The following RAD51B variants were observed in gnomAD, a reference collection of about 807,000 sequenced individuals.
The protein encoded by RAD51B is RAD51 paralog B.
In RAD51B, 38 loss-of-function variants were observed where a neutral mutation model predicts 42.2. The observed-to-expected ratio is 0.90, with a 90% CI of 0.70 to 1.18. The LOEUF is 1.18. RAD51B is among the 50% of genes most tolerant of loss of function. The pLI, the probability that RAD51B is intolerant of heterozygous loss-of-function variation, is 0.00. For missense variants in RAD51B, 373 were observed against 400.7 expected, an observed-to-expected ratio of 0.93 and a Z score of 0.59; for synonymous variants, 154 against 145.2, an observed-to-expected ratio of 1.06 and a Z score of -0.43.
intron 7 of RAD51B, among the ~76,000 whole-genome samples, chr14:67,950,257 C>T (rs1281475930): frequency 1.3e-5 from 2 of 152,210 alleles, no homozygotes; most frequent in South Asian, 2.1e-4. Context: ...GAAAATCTGT[C>T]GTTCAGGATA....
chr14:67,959,482 T>C (rs1283497236), intron 7 of RAD51B, among the ~76,000 whole-genome samples: 5 of 151,952 alleles, frequency 3.3e-5, no homozygotes, highest in African/African-American at 4.8e-5. Context: ...CTCCTGACCT[T>C]GTGATCCTCC....
chr14:68,449,105 A>G (rs2085493138), intron 9 of RAD51B, among the ~76,000 whole-genome samples: 1 of 152,202 alleles, frequency 6.6e-6, no homozygotes, highest in East Asian at 1.9e-4. Flanking sequence ...TATTCATGGT[A>G]TGGATATACA....
chr14:68,142,710 A>G (rs1378931313), intron 7 of RAD51B, among the ~76,000 whole-genome samples: 1 of 152,248 alleles, frequency 6.6e-6, no homozygotes, highest in Middle Eastern at 3.4e-3. Context: ...TAGGAATCTA[A>G]GTTTTATGAA....
chr14:68,449,222 A>C (rs1350593026), intron 9 of RAD51B, among the ~76,000 whole-genome samples: 2 of 152,234 alleles, frequency 1.3e-5, no homozygotes, highest in African/African-American at 4.8e-5. Context: ...TTTTTAAAAA[A>C]CAACAAAACT....
intron 7 of RAD51B, among the ~76,000 whole-genome samples, chr14:68,070,101 C>T (rs1389883877): frequency 6.6e-6 from 1 of 151,980 alleles, no homozygotes; most frequent in Non-Finnish European, 1.5e-5. Flanking sequence ...AGTGTCTGTT[C>T]ATGTACTTTG....
chr14:68,663,755 G>A (rs1186601751), intron 11 of RAD51B, among the ~76,000 whole-genome samples: 3 of 152,150 alleles, frequency 2.0e-5, no homozygotes, highest in Admixed American at 6.5e-5. Flanking sequence ...TTAAAGGCAC[G>A]GAATTTGTGG....
chr14:68,014,720 A>AAATG (rs985585704), intron 7 of RAD51B, among the ~76,000 whole-genome samples: 6 of 151,940 alleles, frequency 3.9e-5, no homozygotes, highest in Admixed American at 3.9e-4. Flanking sequence ...ATAAATAAAT[A>AAATG]AATGTAGGAA....
In RAD51B at chr14:68,358,929, G is replaced by A. The variant is rs369358461; in HGVS notation, c.854-52495G>A. Among the ~76,000 whole-genome samples the A allele has an allele frequency of 3.9e-5, 6 of 152,300 alleles. No individual in the cohort carries two copies. In the East Asian group the frequency reaches 1.2e-3, roughly 29 times the overall value. On this transcript the variant is annotated intron_variant, in intron 8 of 10. Coordinates refer to ENST00000471583, the MANE Select transcript of RAD51B (RefSeq NM_133510.4). ...AATTCACCATGCTTATTGGAGACAT[G>A]TAATCCTAGAGAAGGTGGGACTGGG... is the stretch of plus-strand genomic sequence containing the variant.
intron 10 of RAD51B, among the ~76,000 whole-genome samples, chr14:68,628,986 C>T (rs1402281281): frequency 2.6e-5 from 4 of 152,266 alleles, no homozygotes; most frequent in Admixed American, 2.0e-4. Flanking sequence ...CCAACCCGAA[C>T]GGGTTGGAAG....
At chr14:67,848,176 A>G (rs1314699962) in intron 4 of RAD51B, among the ~76,000 whole-genome samples, 1 of 151,766 alleles carries the variant, frequency 6.6e-6, no homozygotes, top group Non-Finnish European at 1.5e-5. Context: ...TGCCACCACA[A>G]CCCAACTAAT....
At chr14:68,379,199 T>G (rs896749838) in intron 8 of RAD51B, among the ~76,000 whole-genome samples, 2 of 152,218 alleles carry the variant, frequency 1.3e-5, no homozygotes, top group African/African-American at 4.8e-5. Context: ...GTCCGGTTCC[T>G]GGTACATAAA....
intron 7 of RAD51B, among the ~76,000 whole-genome samples, chr14:68,031,925 G>T (rs563705077): frequency 6.6e-6 from 1 of 152,024 alleles, no homozygotes; most frequent in African/African-American, 2.4e-5. Context: ...AAAACCCTAG[G>T]TTCCATCCAC....
chr14:68,481,652 T>C (rs1271088939), downstream of RAD51B, among the ~76,000 whole-genome samples: 2 of 152,190 alleles, frequency 1.3e-5, no homozygotes, highest in African/African-American at 4.8e-5. Flanking sequence ...TCTCTACAGA[T>C]GAGGAACTGA....
chr14:68,307,510 C>CTGTG (rs1424552604), intron 8 of RAD51B, among the ~76,000 whole-genome samples: 1 of 152,168 alleles, frequency 6.6e-6, no homozygotes, highest in East Asian at 1.9e-4. Context: ...TCTGACAAAG[C>CTGTG]TGTGCGGCCT....
At chr14:68,265,854 A>G (rs1024670627) in intron 7 of RAD51B, among the ~76,000 whole-genome samples, 3 of 152,246 alleles carry the variant, frequency 2.0e-5, no homozygotes, top group Admixed American at 1.3e-4. Context: ...GGAAGAAAAC[A>G]ATTCACTCTA....
chr14:68,222,366 G>A (rs1213845718), intron 7 of RAD51B, among the ~76,000 whole-genome samples: 1 of 152,124 alleles, frequency 6.6e-6, no homozygotes, highest in African/African-American at 2.4e-5. Context: ...ATGAAATAAC[G>A]GCATTCACAG....
chr14:68,157,003 C>T (rs1485012542), intron 7 of RAD51B, among the ~76,000 whole-genome samples: 2 of 152,044 alleles, frequency 1.3e-5, no homozygotes, highest in Admixed American at 1.3e-4. Flanking sequence ...TCGAGACCAG[C>T]CTGGGCAACA....
chr14:68,359,375 A>AT (rs1007779984), intron 8 of RAD51B, among the ~76,000 whole-genome samples: 3 of 151,472 alleles, frequency 2.0e-5, no homozygotes, highest in African/African-American at 4.9e-5. Context: ...CAAGTAGGGC[A>AT]TTTTTTTGGT....
At position 68,184,618 on chromosome 14, in the gene RAD51B, A is replaced by ACAAAAC. The variant is rs1566712699; in HGVS notation, c.757-107266_757-107265insCAAAAC. Among the ~76,000 whole-genome samples, 118 of 61,314 alleles carry ACAAAAC rather than the reference A, an allele frequency of 1.9e-3. 4 individuals are homozygous for ACAAAAC. The highest frequency in any genetic ancestry group is 5.4e-3 in the African/African-American group (117 of 21,696). The allele number at this position is 61,314 out of a possible 152,430, so 40.2% of individuals were successfully genotyped here. A position where few individuals can be genotyped will look rare whatever the true frequency, so the allele number is the denominator to read the frequency against. ...GAGCAAGGCCCTGTCTAAAAAAAAA[A>ACAAAAC]AAAAACCAAAAAAAAAAACAGGAAG... On this transcript the variant is annotated intron_variant, in intron 7 of 10. Transcript: ENST00000471583.
Sources: gnomAD v4.1 joint callset for allele counts (sites outside exome capture counted in the v4.1 genomes callset) on GRCh38, gnomAD v4.1.1 for gene constraint, MANE v1.5 for transcripts, NCBI Gene and HGNC (gene_info 2026-07-23, HGNC 2026-07-21) for gene names.